Variants in EFCAB6 observed in about 807,000 individuals in gnomAD.
The protein encoded by EFCAB6 is EF-hand calcium binding domain 6.
Under a neutral mutation model 169.8 loss-of-function variants are expected in EFCAB6, and 156 were observed. The ratio of observed to expected loss-of-function variants is 0.92; its 90% confidence interval spans 0.81 to 1.05. The LOEUF (loss-of-function observed/expected upper bound fraction) is 1.05. Among genes scored for constraint, EFCAB6 ranks in the 50% least tolerant of loss-of-function variants. The pLI is 0.00. For synonymous variants in EFCAB6, 698 were observed against 676.4 expected (o/e 1.03, Z -0.50); for missense variants, 1,800 against 1,829.1 (o/e 0.98, Z 0.29).
At chr22:43,646,608 G>A (rs1160858134) in intron 17 of EFCAB6, among the ~76,000 whole-genome samples, 1 of 152,116 alleles carries the variant, frequency 6.6e-6, no homozygotes, top group Non-Finnish European at 1.5e-5. Context: ...ATTCAGTAAG[G>A]AAATATAGAA....
intron 26 of EFCAB6, 38 bp downstream of exon 26, chr22:43,576,259 T>C: frequency 6.5e-7 from 1 of 1,537,878 alleles, no homozygotes; most frequent in Non-Finnish European, 8.7e-7. Context: ...TTTTAGCTCA[T>C]TTTCAAAGAG....
At chr22:43,667,771 C>T (rs549469666) in intron 16 of EFCAB6, among the ~76,000 whole-genome samples, 14 of 152,256 alleles carry the variant, frequency 9.2e-5, no homozygotes, top group South Asian at 2.1e-4. Context: ...CTCCACAAAT[C>T]GGCTTGATTT....
chr22:43,793,468 ATTC>A (rs2062384063), intron 2 of EFCAB6, among the ~76,000 whole-genome samples: 1 of 152,244 alleles, frequency 6.6e-6, no homozygotes. Flanking sequence ...ACCATCCATT[ATTC>A]AGCAAACACT....
intron 17 of EFCAB6, among the ~76,000 whole-genome samples, chr22:43,664,005 C>T (rs186309240): frequency 6.6e-6 from 1 of 152,226 alleles, no homozygotes; most frequent in Non-Finnish European, 1.5e-5. Context: ...TTTCTCCTCC[C>T]TGTGGGCATG....
chr22:43,654,415 C>T (rs545794916), intron 17 of EFCAB6, among the ~76,000 whole-genome samples: 1 of 152,338 alleles, frequency 6.6e-6, no homozygotes, highest in African/African-American at 2.4e-5. Context: ...TCAGGTAACA[C>T]ACTTCAGCCA....
At chr22:43,799,929 G>A (rs1004264329) in intron 2 of EFCAB6, among the ~76,000 whole-genome samples, 13 of 152,094 alleles carry the variant, frequency 8.5e-5, no homozygotes, top group Non-Finnish European at 1.3e-4. Flanking sequence ...AGATTGAGGT[G>A]GACAACCAGC....
At chr22:43,631,001 G>A (rs1340244096) in intron 19 of EFCAB6, among the ~76,000 whole-genome samples, 2 of 152,030 alleles carry the variant, frequency 1.3e-5, no homozygotes, top group Non-Finnish European at 2.9e-5. Flanking sequence ...ATAAATACAC[G>A]GGCATGTGGA....
chr22:43,730,541 G>T (rs2059911937), intron 8 of EFCAB6, among the ~76,000 whole-genome samples: 1 of 151,948 alleles, frequency 6.6e-6, no homozygotes. Flanking sequence ...GATACACTCA[G>T]GTAAAAGTAC....
chr22:43,689,350 C>CACAAACAA (rs555614137), intron 10 of EFCAB6, among the ~76,000 whole-genome samples: 4 of 3,298 alleles, frequency 1.2e-3, no homozygotes, highest in African/African-American at 1.9e-3. Flanking sequence ...AGAGCACGTG[C>CACAAACAA]ACACACACAC....
At chr22:43,608,099 T>C (rs930962754) in intron 22 of EFCAB6, among the ~76,000 whole-genome samples, 2 of 152,190 alleles carry the variant, frequency 1.3e-5, no homozygotes, top group South Asian at 2.1e-4. Flanking sequence ...GAGAAACTCC[T>C]TTTCCCTTTA....
At chr22:43,637,646 G>A (rs769865749) in intron 17 of EFCAB6, among the ~76,000 whole-genome samples, 6 of 152,164 alleles carry the variant, frequency 3.9e-5, no homozygotes, top group Non-Finnish European at 4.4e-5. Context: ...GGAGTACAAG[G>A]CTATCCCCAG....
In EFCAB6 at chr22:43,554,917, C is replaced by T. The variant is rs748651315; in HGVS notation, c.3600G>A (p.Glu1200=). 2 of 1,614,194 alleles carry T rather than the reference C, an allele frequency of 1.2e-6. No homozygotes were observed. Among genetic ancestry groups the T allele is most frequent in the South Asian group, 1.1e-5 (1 of 91,078 alleles). ...TMKTNTISRE[E]FRAICNRRVQ... ...CGCGGCGATTACAAATGGCCCTAAACTCCTCTCTGGAGATGGTGTTCGTTT... is the reference window on the plus strand; with the variant it reads ...CGCGGCGATTACAAATGGCCCTAAATTCCTCTCTGGAGATGGTGTTCGTTT... Residue 1200 remains glutamate (E), a synonymous_variant, in exon 27 of 32, where the codon GAG becomes GAA. Coordinates refer to ENST00000262726, the MANE Select transcript of EFCAB6 (RefSeq NM_022785.4).
intron 5 of EFCAB6, chr22:43,759,253 A>C (rs902725775): frequency 6.6e-6 from 1 of 152,240 alleles, no homozygotes; most frequent in African/African-American, 2.4e-5. Context: ...ACTGCCAAAG[A>C]ATCTTGCAAT....
chr22:43,761,084 T>C (rs2061147592), intron 5 of EFCAB6, among the ~76,000 whole-genome samples: 1 of 152,200 alleles, frequency 6.6e-6, no homozygotes, highest in African/African-American at 2.4e-5. Flanking sequence ...GCACCCAGCC[T>C]CAGATGCCCT....
chr22:43,678,852 G>A (rs2057887348), intron 12 of EFCAB6, among the ~76,000 whole-genome samples: 2 of 152,136 alleles, frequency 1.3e-5, no homozygotes, highest in Admixed American at 6.5e-5. Flanking sequence ...ATATTAACGT[G>A]ACAAAAGGAT....
At chr22:43,769,346 G>A (rs948975542) in intron 4 of EFCAB6, among the ~76,000 whole-genome samples, 2 of 152,216 alleles carry the variant, frequency 1.3e-5, no homozygotes, top group Non-Finnish European at 2.9e-5. Flanking sequence ...AGGAAATGGA[G>A]AGTAACTGCT....
chr22:43,643,828 CT>C (rs928737372), intron 17 of EFCAB6, among the ~76,000 whole-genome samples: 253 of 145,614 alleles, frequency 1.7e-3, no homozygotes, highest in Admixed American at 2.3e-3. Flanking sequence ...AGCATTTGTT[CT>C]TTTTTTTTTT....
intron 17 of EFCAB6, among the ~76,000 whole-genome samples, chr22:43,646,833 T>A (rs2056187885): frequency 6.6e-6 from 1 of 152,206 alleles, no homozygotes; most frequent in Non-Finnish European, 1.5e-5. Flanking sequence ...TTGGCAAACA[T>A]TTGGAAATTA....
At chr22:43,734,489 C>T (rs2060063553) in intron 7 of EFCAB6, among the ~76,000 whole-genome samples, 1 of 152,126 alleles carries the variant, frequency 6.6e-6, no homozygotes, top group Non-Finnish European at 1.5e-5. Flanking sequence ...CAGACAGTAA[C>T]ATTTTTTATA....
Sources: gnomAD v4.1 joint callset for allele counts (sites outside exome capture counted in the v4.1 genomes callset) on GRCh38, gnomAD v4.1.1 for gene constraint, MANE v1.5 for transcripts, NCBI Gene and HGNC (gene_info 2026-07-23, HGNC 2026-07-21) for gene names.